MYH11: variants seen among roughly 807,000 people sequenced by gnomAD.
MYH11 encodes myosin heavy chain 11.
In MYH11, 80 loss-of-function variants were observed where a neutral mutation model predicts 246.6. The observed-to-expected ratio is 0.32, with a 90% CI of 0.27 to 0.39. The LOEUF (loss-of-function observed/expected upper bound fraction) is 0.39. Among genes scored for constraint, MYH11 ranks in the 10% least tolerant of loss-of-function variants. The pLI is 1.00. For missense variants in MYH11, 2,158 were observed against 2,546.8 expected, an observed-to-expected ratio of 0.85 and a Z score of 3.29; for synonymous variants, 1,071 against 1,015.5, an observed-to-expected ratio of 1.05 and a Z score of -1.04.
chr16:15,715,762 T>C (rs943575569), intron 38 of MYH11, among the ~76,000 whole-genome samples: 1 of 152,118 alleles, frequency 6.6e-6, no homozygotes, highest in African/African-American at 2.4e-5. Flanking sequence ...TCCTCCCACC[T>C]CAGCCTCCCA....
chr16:15,836,614 T>G (rs7188403), intron 2 of MYH11, among the ~76,000 whole-genome samples: 3,935 of 151,514 alleles, frequency 0.026, 171 homozygotes, highest in African/African-American at 0.09. Flanking sequence ...TGGCCAGGCT[T>G]GTCTAGAACT....
intron 3 of MYH11, among the ~76,000 whole-genome samples, chr16:15,807,839 G>A (rs936711291): frequency 1.3e-5 from 2 of 152,170 alleles, no homozygotes; most frequent in African/African-American, 4.8e-5. Context: ...CCCGCTGTGG[G>A]CCTGAGGACT....
intron 24 of MYH11, 72 bp from the exon 25 acceptor site, chr16:15,737,692 A>G: frequency 6.4e-7 from 1 of 1,565,970 alleles, no homozygotes; most frequent in Non-Finnish European, 8.7e-7. Flanking sequence ...CTTCCTGCCC[A>G]GGCATTTTAC....
chr16:15,753,697 C>T (rs111355113), intron 14 of MYH11, among the ~76,000 whole-genome samples, 189 bp from the exon 15 acceptor site: 38 of 152,284 alleles, frequency 2.5e-4, no homozygotes, highest in African/African-American at 8.7e-4. Flanking sequence ...CCTGTGCCCA[C>T]GTAGTAGGAC....
intron 2 of MYH11, among the ~76,000 whole-genome samples, chr16:15,830,819 A>C (rs560358538): frequency 6.6e-6 from 1 of 152,232 alleles, no homozygotes; most frequent in Admixed American, 6.5e-5. Context: ...CATAGGTTGC[A>C]GGAGCCGAGA....
At chr16:15,724,854 C>G in intron 29 of MYH11, 34 bp downstream of exon 29, 1 of 1,613,824 alleles carries the variant, frequency 6.2e-7, no homozygotes, top group Non-Finnish European at 8.5e-7. Flanking sequence ...AGGCCACCCC[C>G]CAGGTCCCCT....
At chr16:15,718,804 AGAGG>A in intron 36 of MYH11, 1 of 417,938 alleles carries the variant, frequency 2.4e-6, no homozygotes, top group Non-Finnish European at 4.4e-6. Flanking sequence ...CCCCAATCTC[AGAGG>A]ACGCTTCGTC....
At chr16:15,741,350 C>A in intron 22 of MYH11, 113 bp downstream of exon 22, 1 of 1,208,668 alleles carries the variant, frequency 8.3e-7, no homozygotes. Context: ...TCCAAGCCCC[C>A]GTCTCATCAT....
chr16:15,807,858 G>T (rs922214166), intron 3 of MYH11, among the ~76,000 whole-genome samples: 13 of 152,206 alleles, frequency 8.5e-5, no homozygotes, highest in Non-Finnish European at 1.9e-4. Context: ...CTCCCAGGAG[G>T]TACCCAGCTC....
At chr16:15,732,431 G>A (rs1168659746) in intron 27 of MYH11, 133 bp downstream of exon 27, 9 of 1,326,236 alleles carry the variant, frequency 6.8e-6, no homozygotes, top group Middle Eastern at 1.8e-4. Flanking sequence ...ATAAATATAA[G>A]CTGCTATCAT....
intron 1 of MYH11, among the ~76,000 whole-genome samples, chr16:15,841,816 T>G (rs985012458): frequency 6.6e-6 from 1 of 152,194 alleles, no homozygotes; most frequent in African/African-American, 2.4e-5. Context: ...TGAGGACATA[T>G]GGCCACCAGG....
intron 2 of MYH11, among the ~76,000 whole-genome samples, chr16:15,834,787 C>A (rs71378208): frequency 1.3e-5 from 2 of 151,962 alleles, no homozygotes; most frequent in African/African-American, 4.8e-5. Flanking sequence ...TTAATAGTTA[C>A]GGCCAGGCAC....
In MYH11 at chr16:15,724,777, C is replaced by A; in HGVS notation, c.3986G>T (p.Arg1329Leu). The A allele has an allele frequency of 6.2e-7, 1 of 1,614,036 alleles. No individual in the cohort carries two copies. Among genetic ancestry groups the A allele is most frequent in the Non-Finnish European group, 8.5e-7 (1 of 1,180,024 alleles). The change falls in exon 30 of 41, where the codon CGG (arginine) becomes CTG (leucine). Residue 1329 changes from arginine to leucine, a missense_variant. Transcript: ENST00000300036. Reference sequence around the variant, plus strand: ...CTTCGTAGACACGTTGAGCTTCTGCCGGGTTTCTTCTTGAAGCAGCTCCTG... The same window carrying A: ...CTTCGTAGACACGTTGAGCTTCTGCAGGGTTTCTTCTTGAAGCAGCTCCTG... Reference protein sequence around the residue: ...DTQELLQEETRQKLNVSTKLR... With the variant: ...DTQELLQEETLQKLNVSTKLR...
At chr16:15,765,327 T>C (rs888910007) in intron 9 of MYH11, among the ~76,000 whole-genome samples, 2 of 151,818 alleles carry the variant, frequency 1.3e-5, no homozygotes. Flanking sequence ...GGATGATGGA[T>C]GGATGGATAG....
intron 40 of MYH11, 127 bp from the exon 41 acceptor site, chr16:15,704,250 AAC>A (rs747874749): frequency 8.1e-5 from 83 of 1,030,090 alleles, no homozygotes; most frequent in Admixed American, 2.3e-4. Flanking sequence ...TATGGCAGAA[AAC>A]ACACACGGCA....
At chr16:15,829,535 A>G (rs2043671669) in intron 2 of MYH11, among the ~76,000 whole-genome samples, 1 of 152,082 alleles carries the variant, frequency 6.6e-6, no homozygotes, top group African/African-American at 2.4e-5. Flanking sequence ...CAGCCCAACC[A>G]TAGTTGGCTG....
intron 3 of MYH11, among the ~76,000 whole-genome samples, 168 bp from the exon 4 acceptor site, chr16:15,798,855 G>A (rs932794360): frequency 2.6e-5 from 4 of 152,098 alleles, no homozygotes; most frequent in African/African-American, 9.7e-5. Context: ...CAGGGGCCAC[G>A]ACCAAAGCCA....
At chr16:15,839,502 G>C (rs2043994922) in intron 1 of MYH11, among the ~76,000 whole-genome samples, 1 of 151,534 alleles carries the variant, frequency 6.6e-6, no homozygotes, top group Non-Finnish European at 1.5e-5. Flanking sequence ...AGACCAGCCT[G>C]GGCAACATGG....
At chr16:15,839,013 A>G (rs981098305) in intron 1 of MYH11, among the ~76,000 whole-genome samples, 1 of 152,172 alleles carries the variant, frequency 6.6e-6, no homozygotes. Context: ...GTTGGAGACC[A>G]GCCTAAGCAA....
Sources: gnomAD v4.1 joint callset for allele counts (sites outside exome capture counted in the v4.1 genomes callset) on GRCh38, gnomAD v4.1.1 for gene constraint, MANE v1.5 for transcripts, NCBI Gene and HGNC (gene_info 2026-07-23, HGNC 2026-07-21) for gene names.